Variants in SYT1 observed in about 807,000 individuals in gnomAD.
SYT1 encodes the protein synaptotagmin 1, also known as synaptotagmin-1.
SYT1 carries 8 observed loss-of-function variants against 44.8 expected under a neutral mutation model. The ratio of observed to expected loss-of-function variants is 0.18; its 90% CI spans 0.10 to 0.32. SYT1 has a LOEUF of 0.32. SYT1 is among the 10% of genes least tolerant of loss of function. The pLI is 1.00. For synonymous variants in SYT1, 154 were observed against 188.8 expected (o/e 0.82, Z 1.51); for missense variants, 286 against 509.3 (o/e 0.56, Z 4.22).
At chr12:79,068,390 T>A (rs1404732857) in intron 3 of SYT1, among the ~76,000 whole-genome samples, 5 of 152,144 alleles carry the variant, frequency 3.3e-5, no homozygotes, top group African/African-American at 1.2e-4. Context: ...CGGTATCAAT[T>A]TCATTATTAA....
chr12:78,991,582 T>C (rs142780714), intron 2 of SYT1, among the ~76,000 whole-genome samples: 319 of 152,302 alleles, frequency 2.1e-3, no homozygotes, highest in African/African-American at 7.0e-3. Context: ...GGAATCATTT[T>C]CTGTAAAAGA....
At chr12:79,388,918 ATACT>A (rs1449878809) in intron 9 of SYT1, among the ~76,000 whole-genome samples, 1 of 152,212 alleles carries the variant, frequency 6.6e-6, no homozygotes, top group African/African-American at 2.4e-5. Flanking sequence ...CCTGTGACAC[ATACT>A]TAAACCCTGC....
At chr12:79,176,939 A>G (rs1871911065) in intron 3 of SYT1, among the ~76,000 whole-genome samples, 2 of 152,070 alleles carry the variant, frequency 1.3e-5, no homozygotes, top group South Asian at 4.1e-4. Flanking sequence ...CAAAAATTGA[A>G]CATTCGTCCA....
At chr12:79,258,647 C>G (rs1272250202) in intron 4 of SYT1, among the ~76,000 whole-genome samples, 3 of 152,080 alleles carry the variant, frequency 2.0e-5, no homozygotes, top group African/African-American at 7.2e-5. Flanking sequence ...CCCAAGAAGA[C>G]ACTTATGTGT....
chr12:79,378,266 C>G (rs1884080775), intron 9 of SYT1, among the ~76,000 whole-genome samples: 2 of 152,122 alleles, frequency 1.3e-5, no homozygotes. Flanking sequence ...AGATGTGTGC[C>G]TTTTTCCAGG....
intron 1 of SYT1, among the ~76,000 whole-genome samples, chr12:78,941,820 G>A (rs1334983888): frequency 6.6e-6 from 1 of 152,208 alleles, no homozygotes. Context: ...GGCATCCCAA[G>A]TGAGGCTATT....
chr12:79,080,841 A>C (rs1876983831), intron 3 of SYT1, among the ~76,000 whole-genome samples: 1 of 152,162 alleles, frequency 6.6e-6, no homozygotes, highest in South Asian at 2.1e-4. Context: ...CACTTTCAAT[A>C]CTTCGTCAAA....
intron 9 of SYT1, among the ~76,000 whole-genome samples, chr12:79,404,797 G>A (rs946088302): frequency 6.6e-6 from 1 of 152,142 alleles, no homozygotes; most frequent in African/African-American, 2.4e-5. Context: ...TATTTGCGGA[G>A]CCTAATTTTT....
chr12:79,018,114 A>G (rs943315049), intron 2 of SYT1, among the ~76,000 whole-genome samples: 2 of 151,828 alleles, frequency 1.3e-5, no homozygotes, highest in Non-Finnish European at 2.9e-5. Context: ...ACAATGATAG[A>G]CTGGATTAAG....
intron 3 of SYT1, among the ~76,000 whole-genome samples, chr12:79,197,930 A>AT (rs1443003845): frequency 6.6e-6 from 1 of 152,176 alleles, no homozygotes; most frequent in Non-Finnish European, 1.5e-5. Context: ...GACAGCTAAG[A>AT]AACATGGAAA....
At chr12:79,004,385 G>A (rs965079971) in intron 2 of SYT1, among the ~76,000 whole-genome samples, 1 of 117,658 alleles carries the variant, frequency 8.5e-6, no homozygotes, top group African/African-American at 3.2e-5. Context: ...GAAGCACTGA[G>A]GACAGTCTTG....
At chr12:79,347,568 A>C (rs909762457) in intron 8 of SYT1, among the ~76,000 whole-genome samples, 1 of 152,154 alleles carries the variant, frequency 6.6e-6, no homozygotes, top group Non-Finnish European at 1.5e-5. Flanking sequence ...TATAAACCTC[A>C]TGTTGAAAAT....
At chr12:79,296,805 C>T (rs1193261083) in intron 7 of SYT1, among the ~76,000 whole-genome samples, 1 of 152,110 alleles carries the variant, frequency 6.6e-6, no homozygotes, top group Non-Finnish European at 1.5e-5. Flanking sequence ...GTTGAGGCAC[C>T]TCAGTTGACA....
chr12:79,214,193 A>AT (rs975039262), intron 3 of SYT1, among the ~76,000 whole-genome samples: 6 of 152,150 alleles, frequency 3.9e-5, no homozygotes, highest in Non-Finnish European at 7.4e-5. Flanking sequence ...GTATTTTATG[A>AT]TTTTTTTAAA....
At chr12:79,392,792 TTC>T (rs1367608188) in intron 9 of SYT1, 5 of 113,238 alleles carry the variant, frequency 4.4e-5, no homozygotes, top group Non-Finnish European at 1.0e-4. Context: ...CTCTTTATTT[TTC>T]TTTCTTTTTT....
At chr12:79,288,446 T>A (rs1332741059) in intron 5 of SYT1, among the ~76,000 whole-genome samples, 1 of 152,118 alleles carries the variant, frequency 6.6e-6, no homozygotes, top group African/African-American at 2.4e-5. Flanking sequence ...ATAGGCTCTA[T>A]ATACAAGATA....
intron 9 of SYT1, among the ~76,000 whole-genome samples, chr12:79,359,570 TAGAG>T (rs1883239859): frequency 6.6e-6 from 1 of 152,118 alleles, no homozygotes; most frequent in Non-Finnish European, 1.5e-5. Context: ...AGGGAAATGA[TAGAG>T]AGGGAACAGG....
intron 1 of SYT1, among the ~76,000 whole-genome samples, chr12:78,897,930 C>T (rs1875452368): frequency 6.6e-6 from 1 of 151,938 alleles, no homozygotes; most frequent in Non-Finnish European, 1.5e-5. Flanking sequence ...ATAAGGGCCA[C>T]CCAGAGCTTG....
intron 4 of SYT1, among the ~76,000 whole-genome samples, chr12:79,222,547 A>G (rs944985382): frequency 6.6e-6 from 1 of 151,864 alleles, no homozygotes; most frequent in South Asian, 2.1e-4. Flanking sequence ...ATGCCCAGCT[A>G]ATTTTTTGTA....
Sources: allele counts gnomAD v4.1 joint callset (sites outside exome capture counted in the v4.1 genomes callset), GRCh38; gene constraint gnomAD v4.1.1; transcripts MANE v1.5; gene names NCBI Gene and HGNC (gene_info 2026-07-23, HGNC 2026-07-21).